The following PLEKHH2 variants were observed in gnomAD, a reference collection of about 807,000 sequenced individuals.
PLEKHH2 encodes pleckstrin homology domain-containing family H member 2.
In PLEKHH2, 129 loss-of-function variants were observed where a neutral mutation model predicts 187.9. That is an observed-to-expected ratio of 0.69 (90% confidence interval 0.59 to 0.79). The LOEUF is 0.79. Among genes scored for constraint, PLEKHH2 ranks in the 30% least tolerant of loss-of-function variants. The pLI is 0.00. For missense variants in PLEKHH2, 2,076 were observed against 1,751.2 expected, an observed-to-expected ratio of 1.19 and a Z score of -3.31; for synonymous variants, 686 against 605.6, an observed-to-expected ratio of 1.13 and a Z score of -1.95.
At chr2:43,687,625 T>C (rs1668584300) in intron 3 of PLEKHH2, among the ~76,000 whole-genome samples, 1 of 152,194 alleles carries the variant, frequency 6.6e-6, no homozygotes, top group Non-Finnish European at 1.5e-5. Flanking sequence ...AGTGTTCCCA[T>C]TTCTCCACAG....
At chr2:43,718,435 G>A (rs775584065) in intron 15 of PLEKHH2, among the ~76,000 whole-genome samples, 2 of 152,074 alleles carry the variant, frequency 1.3e-5, no homozygotes, top group Non-Finnish European at 2.9e-5. Flanking sequence ...CTGCTTGGGA[G>A]GCTGAGGCAG....
chr2:43,764,269 T>G lies in PLEKHH2; in HGVS notation c.4200T>G (p.Phe1400Leu). The G allele has an allele frequency of 3.2e-6, 5 of 1,582,676 alleles. No individual in the cohort carries two copies. In the South Asian group the frequency reaches 4.6e-5, roughly 15 times the overall value. Residue 1400 changes from phenylalanine (F) to leucine (L), a missense_variant, in exon 29 of 30, where the codon TTT becomes TTG. By Grantham distance (22) the Phe-to-Leu change is conservative. Coordinates refer to ENST00000282406, the MANE Select transcript of PLEKHH2 (RefSeq NM_172069.4). ...ATGTGTACAAGAGTCTAATGACCTT[T>G]GGAGGCTATCAAGATGATTTTATGG... Reference protein sequence around the residue: ...VSYVYKSLMTFGGYQDDFMVV... With the variant: ...VSYVYKSLMTLGGYQDDFMVV...
At chr2:43,762,283 T>C in intron 27 of PLEKHH2, 21 bp from the exon 28 acceptor site, 1 of 1,545,586 alleles carries the variant, frequency 6.5e-7, no homozygotes, top group Non-Finnish European at 8.9e-7. Context: ...TATAATATAG[T>C]GTATTTTCAC....
intron 27 of PLEKHH2, among the ~76,000 whole-genome samples, chr2:43,759,713 A>C (rs927884152): frequency 6.6e-6 from 1 of 152,164 alleles, no homozygotes; most frequent in African/African-American, 2.4e-5. Flanking sequence ...ATTAAATTGC[A>C]TGCTCCTTGA....
chr2:43,640,080 C>A (rs1438249609), intron 1 of PLEKHH2, among the ~76,000 whole-genome samples: 1 of 152,088 alleles, frequency 6.6e-6, no homozygotes, highest in Non-Finnish European at 1.5e-5. Context: ...TGTATTTCAT[C>A]CCTTGGCATA....
At chr2:43,685,111 C>T (rs917430245) in intron 3 of PLEKHH2, among the ~76,000 whole-genome samples, 2 of 152,180 alleles carry the variant, frequency 1.3e-5, no homozygotes, top group African/African-American at 4.8e-5. Flanking sequence ...TTAACAATTT[C>T]CATGGGACTG....
intron 24 of PLEKHH2, among the ~76,000 whole-genome samples, chr2:43,752,080 G>GGTAA (rs1192267452): frequency 6.6e-6 from 1 of 152,006 alleles, no homozygotes; most frequent in African/African-American, 2.4e-5. Context: ...ACCTTCCAGT[G>GGTAA]GTAACACTTA....
At position 43,700,452 on chromosome 2, in the gene PLEKHH2, A is replaced by C. The variant is rs1485885907; in HGVS notation, c.1494A>C (p.Glu498Asp). The change falls in exon 8 of 30, where the codon GAA (glutamate) becomes GAC (aspartate). Residue 498 changes from glutamate to aspartate, a missense_variant. Physicochemically the swap from Glu to Asp is conservative, Grantham distance 45. Transcript: ENST00000282406. The part of the protein sequence containing the change: ...DLDLVDGDST[E>D]VLENMDTSCD... The stretch of plus-strand genomic sequence containing the variant: ...ATCTAGTTGATGGAGACAGTACAGA[A>C]GTTTTAGAGAATATGGACACGAGTT... 5 of 1,614,102 alleles carry C rather than the reference A, an allele frequency of 3.1e-6. No individual in the cohort carries two copies. Among genetic ancestry groups the C allele is most frequent in the Non-Finnish European group, 3.4e-6 (4 of 1,180,018 alleles).
intron 2 of PLEKHH2, among the ~76,000 whole-genome samples, chr2:43,677,674 C>T (rs968042622): frequency 2.6e-5 from 4 of 151,964 alleles, no homozygotes; most frequent in African/African-American, 9.7e-5. Context: ...TCCACAAAAC[C>T]GCCATTGTCA....
rs983993319 is a variant in PLEKHH2, at chr2:43,666,351, C to A, written c.124-12512C>A. On this transcript the variant is annotated intron_variant, in intron 2 of 29. Coordinates refer to ENST00000282406, the MANE Select transcript of PLEKHH2 (RefSeq NM_172069.4). ...TTCGGCTCGCGCACGGTGCGCACAC[C>A]CACTGGCCTGCGCCCACTGTCTGGC... Among the ~76,000 whole-genome samples the A allele has an allele frequency of 2.6e-5, 4 of 151,268 alleles. 1 individual carries two copies. Among genetic ancestry groups the A allele is most frequent in the African/African-American group, 9.9e-5 (4 of 40,586 alleles).
intron 5 of PLEKHH2, among the ~76,000 whole-genome samples, chr2:43,694,903 G>T (rs1487655400): frequency 6.6e-6 from 1 of 152,040 alleles, no homozygotes; most frequent in Non-Finnish European, 1.5e-5. Flanking sequence ...CAGTGGAAAA[G>T]GCATAAGGGG....
intron 2 of PLEKHH2, among the ~76,000 whole-genome samples, chr2:43,668,800 C>G (rs1165195924): frequency 6.6e-6 from 1 of 152,144 alleles, no homozygotes. Context: ...TAGTGAGACC[C>G]TATCCCCAAA....
At chr2:43,729,291 A>T (rs1572630836) in intron 17 of PLEKHH2, among the ~76,000 whole-genome samples, 1 of 152,230 alleles carries the variant, frequency 6.6e-6, no homozygotes, top group East Asian at 1.9e-4. Context: ...TGTATGTATC[A>T]CTCTGGGAGC....
intron 3 of PLEKHH2, among the ~76,000 whole-genome samples, chr2:43,690,943 G>A (rs763161667): frequency 5.3e-5 from 8 of 152,192 alleles, no homozygotes; most frequent in Non-Finnish European, 7.3e-5. Context: ...TTTACTATGA[G>A]TTGAATAGAC....
intron 2 of PLEKHH2, among the ~76,000 whole-genome samples, chr2:43,669,163 A>G (rs1246945684): frequency 1.3e-5 from 2 of 152,174 alleles, no homozygotes; most frequent in Admixed American, 6.5e-5. Flanking sequence ...TCCTTGAGAG[A>G]CTAGACACTG....
Position 43,707,396 on chromosome 2 carries a change from T to C in PLEKHH2, c.1822-5T>C. The C allele has an allele frequency of 6.2e-7, 1 of 1,613,936 alleles. No homozygotes were observed. Among genetic ancestry groups the C allele is most frequent in the Non-Finnish European group, 8.5e-7 (1 of 1,179,938 alleles). On this transcript the variant is annotated splice_region_variant and splice_polypyrimidine_tract_variant and intron_variant, in intron 10 of 29. Transcript: ENST00000282406. ...ATACAGGGAGGTTGTTCCACTTTTC[T>C]TTAGAAGGCGACCCAAATAAGTAGC...
chr2:43,740,727 T>C, intron 20 of PLEKHH2: 1 of 702,990 alleles, frequency 1.4e-6, no homozygotes, highest in Non-Finnish European at 1.9e-6. Flanking sequence ...TCCTCAGTTG[T>C]AGATAACCAT....
rs1670952180 is a variant in PLEKHH2 at position 43,729,817 on chromosome 2, G to C, written c.2830+72G>C. On this transcript the variant is annotated intron_variant, in intron 18 of 29. Transcript: ENST00000282406. Reference sequence around the variant, plus strand: ...ACCTCAACCCGCTTAGCCTAATGGAGTTTTCACTTAATGGGTTCCTGTTTC... The same window carrying C: ...ACCTCAACCCGCTTAGCCTAATGGACTTTTCACTTAATGGGTTCCTGTTTC... 5 of 1,012,824 alleles carry C rather than the reference G, an allele frequency of 4.9e-6. No homozygotes were observed. The East Asian group carries it at 1.4e-4, about 28-fold the overall frequency. The allele number at this position is 1,012,824 out of a possible 1,614,324, so 62.7% of individuals were successfully genotyped here.
At chr2:43,704,580 G>A (rs924328863) in intron 9 of PLEKHH2, among the ~76,000 whole-genome samples, 3 of 149,126 alleles carry the variant, frequency 2.0e-5, no homozygotes, top group South Asian at 2.1e-4. Flanking sequence ...GGAGGATGGC[G>A]TGAACCGAGG....
Sources: gnomAD v4.1 joint callset for allele counts (sites outside exome capture counted in the v4.1 genomes callset) on GRCh38, gnomAD v4.1.1 for gene constraint, MANE v1.5 for transcripts, NCBI Gene and HGNC (gene_info 2026-07-23, HGNC 2026-07-21) for gene names.